Variants in XYLT1 observed in about 807,000 individuals in gnomAD.
XYLT1 encodes the protein xylosyltransferase 1, also known as beta-D-xylosyltransferase 1.
In XYLT1, 36 loss-of-function variants were observed where a neutral mutation model predicts 91.3. The observed-to-expected ratio is 0.39, with a 90% CI of 0.30 to 0.52. The LOEUF is 0.52. XYLT1 is among the 20% of genes least tolerant of loss of function. The probability of loss-of-function intolerance (pLI) is 0.68; values close to 1 mark genes in which losing one functional copy is unlikely to be tolerated. For synonymous variants in XYLT1, 588 were observed against 532.0 expected (o/e 1.11, Z -1.45); for missense variants, 1,242 against 1,284.5 (o/e 0.97, Z 0.51).
chr16:17,420,924 A>T (rs2036243248), intron 1 of XYLT1, among the ~76,000 whole-genome samples: 1 of 152,110 alleles, frequency 6.6e-6, no homozygotes, highest in Non-Finnish European at 1.5e-5. Flanking sequence ...TGGATGGGAG[A>T]TGAGTTGGTC....
intron 1 of XYLT1, among the ~76,000 whole-genome samples, chr16:17,419,170 T>C (rs1181842752): frequency 2.0e-5 from 3 of 151,586 alleles, no homozygotes; most frequent in African/African-American, 4.8e-5. Context: ...GATTTGAGTA[T>C]GGAATGACCT....
chr16:17,355,192 G>A (rs2035277561), intron 2 of XYLT1: 1 of 153,538 alleles, frequency 6.5e-6, no homozygotes, highest in African/African-American at 2.4e-5. Context: ...GCTGCTGCTG[G>A]AAGCCTCAGG....
chr16:17,347,554 C>T (rs989726819), intron 2 of XYLT1, among the ~76,000 whole-genome samples: 2 of 152,166 alleles, frequency 1.3e-5, no homozygotes, highest in Admixed American at 1.3e-4. Flanking sequence ...ATGATCTTCT[C>T]TCTAAAAAAA....
intron 2 of XYLT1, among the ~76,000 whole-genome samples, chr16:17,353,615 T>C (rs1250381109): frequency 1.3e-5 from 2 of 152,216 alleles, no homozygotes; most frequent in Admixed American, 6.5e-5. Flanking sequence ...GATAACTCAC[T>C]GCGCAAAGCA....
chr16:17,336,705 C>T (rs2034984383), intron 2 of XYLT1, among the ~76,000 whole-genome samples: 1 of 152,226 alleles, frequency 6.6e-6, no homozygotes, highest in Admixed American at 6.5e-5. Flanking sequence ...CCGAATCCCA[C>T]AGGGAAGGGC....
intron 2 of XYLT1, among the ~76,000 whole-genome samples, chr16:17,297,708 G>A (rs1328584762): frequency 6.6e-6 from 1 of 152,064 alleles, no homozygotes; most frequent in African/African-American, 2.4e-5. Context: ...AGGCCACAGA[G>A]TGAGACCTTG....
intron 3 of XYLT1, chr16:17,250,457 C>A (rs1464180126): frequency 6.6e-6 from 1 of 152,230 alleles, no homozygotes; most frequent in East Asian, 1.9e-4. Context: ...TTGTTTATGG[C>A]AGCTTTCACG....
At chr16:17,166,515 CTTTT>C (rs369535545) in intron 5 of XYLT1, among the ~76,000 whole-genome samples, 1 of 144,408 alleles carries the variant, frequency 6.9e-6, no homozygotes, top group Non-Finnish European at 1.5e-5. Context: ...CCATCATTCA[CTTTT>C]TTTTTTTTTT....
intron 2 of XYLT1, among the ~76,000 whole-genome samples, chr16:17,287,473 C>A (rs2034159357): frequency 6.6e-6 from 1 of 152,212 alleles, no homozygotes; most frequent in Non-Finnish European, 1.5e-5. Context: ...CGAATCCTTG[C>A]AGCCGGTACC....
chr16:17,110,901 T>C (rs1966839548), intron 11 of XYLT1, among the ~76,000 whole-genome samples: 1 of 152,190 alleles, frequency 6.6e-6, no homozygotes, highest in Non-Finnish European at 1.5e-5. Context: ...GGCTTACACC[T>C]GTAATCCTAG....
rs144785676 is a variant in XYLT1 at position 17,468,802 on chromosome 16, T to C, written c.363+1632A>G. ...AGTAAGCCCCAGGCTTCCCCCACCA[T>C]GTCTCCCCTACACGTTCTTACACTG... On this transcript the variant is annotated intron_variant, in intron 1 of 11. Transcript: ENST00000261381. Among the ~76,000 whole-genome samples, 284 of 152,124 alleles carry C rather than the reference T, an allele frequency of 1.9e-3. 4 individuals are homozygous for C. The highest frequency in any genetic ancestry group is 6.2e-3 in the African/African-American group (257 of 41,486).
intron 3 of XYLT1, chr16:17,250,873 C>T (rs984339504): frequency 6.6e-6 from 1 of 152,230 alleles, no homozygotes; most frequent in Non-Finnish European, 1.5e-5. Flanking sequence ...TAGCGTGGTA[C>T]CTTTTAACTT....
chr16:17,408,416 T>G (rs1434111851), intron 1 of XYLT1, among the ~76,000 whole-genome samples: 1 of 152,350 alleles, frequency 6.6e-6, no homozygotes, highest in East Asian at 1.9e-4. Context: ...CTCCTGAGTT[T>G]TGTGCTTGGA....
At chr16:17,275,749 C>A (rs771487623) in intron 2 of XYLT1, among the ~76,000 whole-genome samples, 1 of 152,160 alleles carries the variant, frequency 6.6e-6, no homozygotes, top group Non-Finnish European at 1.5e-5. Context: ...CAACATTCTC[C>A]GATCCAGGTC....
chr16:17,200,382 A>G lies in XYLT1; in HGVS notation c.1086+100T>C, dbSNP rs2032516157. ...GGTCAGCTTCCAAGCCTTTTCTGAA[A>G]GCAGGCAGTCTGGACTAGCAATGCA... On this transcript the variant is annotated intron_variant, in intron 4 of 11. Coordinates refer to ENST00000261381, the MANE Select transcript of XYLT1 (RefSeq NM_022166.4). 3.4e-6 allele frequency: 5 copies of G among 1,460,858 alleles called. No homozygotes were observed. The African/African-American group carries it at 5.6e-5, about 16-fold the overall frequency. The allele number at this position is 1,460,858 out of a possible 1,614,324, so 90.5% of individuals were successfully genotyped here. A position where few individuals can be genotyped will look rare whatever the true frequency, so the allele number is the denominator to read the frequency against.
chr16:17,456,813 C>G (rs2036750074), intron 1 of XYLT1, among the ~76,000 whole-genome samples: 1 of 152,182 alleles, frequency 6.6e-6, no homozygotes, highest in Non-Finnish European at 1.5e-5. Context: ...CTCTCTATGC[C>G]TCAATTTCCT....
intron 6 of XYLT1, among the ~76,000 whole-genome samples, chr16:17,146,424 C>T (rs572074225): frequency 2.0e-5 from 3 of 152,230 alleles, no homozygotes; most frequent in South Asian, 4.1e-4. Context: ...CTCTCTGAGT[C>T]TCAGTTTCTT....
intron 1 of XYLT1, among the ~76,000 whole-genome samples, chr16:17,465,942 C>T (rs1285639799): frequency 6.6e-6 from 1 of 152,132 alleles, no homozygotes; most frequent in Admixed American, 6.5e-5. Flanking sequence ...AGATTAGGGG[C>T]ATGAGAAAGG....
At chr16:17,408,321 C>G (rs1435580356) in intron 1 of XYLT1, among the ~76,000 whole-genome samples, 7 of 152,226 alleles carry the variant, frequency 4.6e-5, no homozygotes, top group Non-Finnish European at 8.8e-5. Context: ...TATAAATTCT[C>G]ATGAAATCTA....
Sources: gnomAD v4.1 joint callset for allele counts (sites outside exome capture counted in the v4.1 genomes callset) on GRCh38, gnomAD v4.1.1 for gene constraint, MANE v1.5 for transcripts, NCBI Gene and HGNC (gene_info 2026-07-23, HGNC 2026-07-21) for gene names.